The following ZSWIM5 variants were observed in gnomAD, a reference collection of about 807,000 sequenced individuals.
ZSWIM5 encodes the protein zinc finger SWIM domain-containing protein 5.
Under a neutral mutation model 119.6 loss-of-function variants are expected in ZSWIM5, and 55 were observed. The ratio of observed to expected loss-of-function variants is 0.46; its 90% CI spans 0.37 to 0.58. The LOEUF (loss-of-function observed/expected upper bound fraction) is 0.58. ZSWIM5 is among the 20% of genes least tolerant of loss of function. The pLI, the probability that ZSWIM5 is intolerant of heterozygous loss-of-function variation, is 0.00. For missense variants in ZSWIM5, 1,193 were observed against 1,512.8 expected, an observed-to-expected ratio of 0.79 and a Z score of 3.51; for synonymous variants, 537 against 606.9, an observed-to-expected ratio of 0.88 and a Z score of 1.69.
At chr1:45,132,712 A>T (rs995286577) in intron 1 of ZSWIM5, among the ~76,000 whole-genome samples, 2 of 152,044 alleles carry the variant, frequency 1.3e-5, no homozygotes, top group Non-Finnish European at 2.9e-5. Flanking sequence ...TGCTGCACCC[A>T]TTAACTCGTC....
rs748485661 is a variant in ZSWIM5, at chr1:45,034,365, T to C, written c.2396A>G (p.His799Arg). ...CAGTTCACACTGCTGTGATTCCAAGTGTCCAAGCGTGAACCAGCGAGGATA... is the reference window on the plus strand; with the variant it reads ...CAGTTCACACTGCTGTGATTCCAAGCGTCCAAGCGTGAACCAGCGAGGATA... The part of the protein sequence containing the change: ...SRYPRWFTLG[H>R]LESQQCELAS... The change falls in exon 11 of 14, where the codon CAC (histidine) becomes CGC (arginine). Residue 799 changes from histidine to arginine, a missense_variant. By Grantham distance (29) the His-to-Arg change is conservative. Coordinates refer to ENST00000359600, the MANE Select transcript of ZSWIM5 (RefSeq NM_020883.2). 1 of 1,613,812 alleles carries C rather than the reference T, an allele frequency of 6.2e-7. No individual in the cohort carries two copies. The highest frequency in any genetic ancestry group is 8.5e-7 in the Non-Finnish European group (1 of 1,179,824).
intron 1 of ZSWIM5, among the ~76,000 whole-genome samples, chr1:45,202,222 A>G (rs1646162551): frequency 6.6e-6 from 1 of 152,090 alleles, no homozygotes; most frequent in Admixed American, 6.5e-5. Flanking sequence ...TTTTCAATGT[A>G]GATATCTTTT....
At chr1:45,134,069 G>A (rs1219905980) in intron 1 of ZSWIM5, among the ~76,000 whole-genome samples, 1 of 152,112 alleles carries the variant, frequency 6.6e-6, no homozygotes, top group Non-Finnish European at 1.5e-5. Flanking sequence ...TGTTCTTTTG[G>A]CTTAGGATTG....
chr1:45,164,307 G>C (rs1645885901), intron 1 of ZSWIM5, among the ~76,000 whole-genome samples: 1 of 152,220 alleles, frequency 6.6e-6, no homozygotes, highest in East Asian at 1.9e-4. Context: ...CCCTACAAGA[G>C]CTCCTGAAGG....
chr1:45,040,089 G>C (rs1645010506), intron 7 of ZSWIM5, among the ~76,000 whole-genome samples: 1 of 151,990 alleles, frequency 6.6e-6, no homozygotes. Flanking sequence ...CCTCCTACCT[G>C]GGCCTCCCAA....
intron 2 of ZSWIM5, among the ~76,000 whole-genome samples, chr1:45,063,837 C>G (rs1645167001): frequency 6.6e-6 from 1 of 151,924 alleles, no homozygotes; most frequent in African/African-American, 2.4e-5. Flanking sequence ...AAAAAATTAG[C>G]TGGGTGTGGT....
intron 1 of ZSWIM5, among the ~76,000 whole-genome samples, chr1:45,095,472 G>A (rs984461793): frequency 1.2e-4 from 19 of 152,076 alleles, no homozygotes; most frequent in African/African-American, 4.1e-4. Flanking sequence ...AAATCAAGAT[G>A]CAAACAAGGT....
intron 2 of ZSWIM5, among the ~76,000 whole-genome samples, chr1:45,062,733 C>T (rs1309083438): frequency 6.6e-6 from 1 of 152,116 alleles, no homozygotes. Context: ...TCTCGAACTC[C>T]TGGGCTCAAG....
chr1:45,153,930 C>T (rs1645812351), intron 1 of ZSWIM5, among the ~76,000 whole-genome samples: 1 of 152,090 alleles, frequency 6.6e-6, no homozygotes, highest in Admixed American at 6.5e-5. Flanking sequence ...GTACACAAAT[C>T]AATAGCTCTA....
intron 1 of ZSWIM5, among the ~76,000 whole-genome samples, chr1:45,141,490 T>TA (rs1407557496): frequency 6.6e-6 from 1 of 152,134 alleles, no homozygotes; most frequent in Non-Finnish European, 1.5e-5. Context: ...CAGCATATAA[T>TA]AAACAGAAGT....
intron 1 of ZSWIM5, among the ~76,000 whole-genome samples, chr1:45,180,519 A>C (rs1646010234): frequency 6.6e-6 from 1 of 152,142 alleles, no homozygotes; most frequent in African/African-American, 2.4e-5. Flanking sequence ...AGACAAACAA[A>C]AAGACAGCAG....
intron 1 of ZSWIM5, among the ~76,000 whole-genome samples, chr1:45,107,309 T>TA (rs1234694295): frequency 5.3e-5 from 8 of 152,042 alleles, no homozygotes; most frequent in Non-Finnish European, 1.2e-4. Flanking sequence ...GAAAATTCAT[T>TA]AAAAAATCTA....
rs1257810314 is a variant in ZSWIM5, at chr1:45,206,303, G to C, written c.48C>G (p.Val16=). The C allele has an allele frequency of 6.4e-7, 1 of 1,551,190 alleles. No individual in the cohort carries two copies. Among genetic ancestry groups the C allele is most frequent in the Non-Finnish European group, 8.7e-7 (1 of 1,149,226 alleles). The change falls in exon 1 of 14, where the codon GTC becomes GTG. Residue 16 remains valine (V), a synonymous_variant. Transcript: ENST00000359600. The stretch of plus-strand genomic sequence containing the variant: ...ACGAACACTGCCGCTTAGCCGGAGA[G>C]ACCGGTGACGGCGAGAGCAGCTCCT... ...EREELLSPSP[V]SPAKRQCSWP...
chr1:45,176,590 T>C (rs1327932521), intron 1 of ZSWIM5, among the ~76,000 whole-genome samples: 1 of 152,130 alleles, frequency 6.6e-6, no homozygotes, highest in Non-Finnish European at 1.5e-5. Context: ...CTACTTTTTC[T>C]GATAGTGAGA....
At chr1:45,080,312 G>A (rs1645282404) in intron 2 of ZSWIM5, among the ~76,000 whole-genome samples, 2 of 152,138 alleles carry the variant, frequency 1.3e-5, no homozygotes, top group African/African-American at 4.8e-5. Context: ...TGGACTGCTG[G>A]GACTGGCAAT....
intron 1 of ZSWIM5, among the ~76,000 whole-genome samples, chr1:45,156,008 C>A (rs1002012828): frequency 2.6e-5 from 4 of 151,732 alleles, no homozygotes; most frequent in Non-Finnish European, 4.4e-5. Flanking sequence ...TAATCAAATA[C>A]CATCTGTTCC....
chr1:45,055,860 G>A (rs1645118672), intron 4 of ZSWIM5, among the ~76,000 whole-genome samples: 1 of 152,210 alleles, frequency 6.6e-6, no homozygotes. Context: ...ATGGGCATGT[G>A]GCTCGTGCCT....
chr1:45,182,418 AC>A lies in ZSWIM5; in HGVS notation c.595+23337del, dbSNP rs1294075113. Among the ~76,000 whole-genome samples, 17 of 131,402 alleles carry A rather than the reference AC, an allele frequency of 1.3e-4. 1 individual carries two copies. Among genetic ancestry groups the A allele is most frequent in the African/African-American group, 2.8e-4 (11 of 38,714 alleles). 86.2% of individuals were successfully genotyped at this position (131,402 alleles called of 152,430 possible). ...GACTCCGTCTCAAAAAAACAAACAAACAAACAAACAAACAAACAAAAAGACA... is the reference window on the plus strand; with the variant it reads ...GACTCCGTCTCAAAAAAACAAACAAAAAACAAACAAACAAACAAAAAGACA... On this transcript the variant is annotated intron_variant, in intron 1 of 13. Coordinates refer to ENST00000359600, the MANE Select transcript of ZSWIM5 (RefSeq NM_020883.2).
intron 2 of ZSWIM5, among the ~76,000 whole-genome samples, chr1:45,076,802 T>A (rs936317697): frequency 6.6e-6 from 1 of 152,030 alleles, no homozygotes; most frequent in African/African-American, 2.4e-5. Context: ...TATTCTTTTT[T>A]TCGTCTCCTC....
Sources: allele counts gnomAD v4.1 joint callset (sites outside exome capture counted in the v4.1 genomes callset), GRCh38; gene constraint gnomAD v4.1.1; transcripts MANE v1.5; gene names NCBI Gene and HGNC (gene_info 2026-07-23, HGNC 2026-07-21).